Variants in CERS1 observed in about 807,000 individuals in gnomAD.
The protein encoded by CERS1 is ceramide synthase 1.
CERS1 carries 16 observed loss-of-function variants against 35.7 expected under a neutral mutation model. The ratio of observed to expected loss-of-function variants is 0.45; its 90% CI spans 0.30 to 0.68. The LOEUF is 0.68. Ranked by LOEUF, CERS1 falls within the 30% of genes least tolerant of loss-of-function variation. The pLI, the probability that CERS1 is intolerant of heterozygous loss-of-function variation, is 0.08. For synonymous variants in CERS1, 243 were observed against 201.6 expected (o/e 1.21, Z -1.74); for missense variants, 454 against 453.9 (o/e 1.00, Z 0.00).
intron 2 of CERS1, among the ~76,000 whole-genome samples, chr19:18,887,845 C>T (rs940994018): frequency 2.0e-5 from 3 of 152,092 alleles, no homozygotes. Context: ...CACCAGCAGC[C>T]ATCTCCAGAA....
At chr19:18,884,822 T>TG (rs2056311456) in intron 2 of CERS1, among the ~76,000 whole-genome samples, 1 of 148,340 alleles carries the variant, frequency 6.7e-6, no homozygotes, top group Non-Finnish European at 1.5e-5. Context: ...CAAGCAATTC[T>TG]CCTGCCTCAG....
intron 4 of CERS1, 92 bp from the exon 5 acceptor site, chr19:18,879,480 C>A: frequency 6.9e-7 from 1 of 1,442,046 alleles, no homozygotes; most frequent in Non-Finnish European, 9.3e-7. Flanking sequence ...ACCCTTGCCC[C>A]CTTATCCCAT....
chr19:18,894,789 C>T (rs771039732), intron 1 of CERS1, among the ~76,000 whole-genome samples: 29 of 152,252 alleles, frequency 1.9e-4, no homozygotes, highest in Middle Eastern at 3.4e-3. Context: ...AGTCAGACAA[C>T]ATCCCATCAT....
chr19:18,878,484 GC>G lies in CERS1; in HGVS notation c.1010+445del. ...CAAACTCAGAGGCCAGGATGTCTCG[GC>G]CCAGATGGAGCCTGGGTTCTCTCTG... On this transcript the variant is annotated intron_variant, in intron 6 of 7. Coordinates refer to ENST00000623882, the MANE Select transcript of CERS1 (RefSeq NM_021267.5). This position sits in a 1 kb window ranked among gnomAD's most constrained non-coding sequence, Gnocchi z 4.6. 1.0e-6 allele frequency: 1 copy of G among 996,264 alleles called. No individual in the cohort carries two copies. Among genetic ancestry groups the G allele is most frequent in the Non-Finnish European group, 1.2e-6 (1 of 835,986 alleles). The allele number at this position is 996,264 out of a possible 1,614,324, so 61.7% of individuals were successfully genotyped here.
Position 18,895,356 on chromosome 19 carries a change from C to CGCAG in CERS1, c.249+464_249+467dup, listed in dbSNP as rs1555707409. Among the ~76,000 whole-genome samples the CGCAG allele has an allele frequency of 6.6e-6, 1 of 152,208 alleles. No individual in the cohort carries two copies. Among genetic ancestry groups the CGCAG allele is most frequent in the Non-Finnish European group, 1.5e-5 (1 of 68,038 alleles). Reference sequence around the variant, plus strand: ...GCCCGCATGGCAGGGAGGCGCATGGCGCAGGCCGCGGTGCGCCGAGCCCTC... The same window carrying CGCAG: ...GCCCGCATGGCAGGGAGGCGCATGGCGCAGGCAGGCCGCGGTGCGCCGAGCCCTC... On this transcript the variant is annotated intron_variant, in intron 1 of 7. Transcript: ENST00000623882. This position sits in a 1 kb window ranked among gnomAD's most constrained non-coding sequence, Gnocchi z 6.4.
In CERS1 at chr19:18,895,959, C is replaced by G. The variant is rs1271581824; in HGVS notation, c.114G>C (p.Thr38=). ...GSALAAARGC[T]DCGWGLARRG... ...GACGCGCCAGCCCCCAGCCGCAGTC[C>G]GTGCAGCCCCGCGCCGCCGCCAGCG... Residue 38 remains threonine (T), a synonymous_variant, in exon 1 of 8, where the codon ACG becomes ACC. Coordinates refer to ENST00000623882, the MANE Select transcript of CERS1 (RefSeq NM_021267.5). This position sits in a 1 kb window ranked among gnomAD's most constrained non-coding sequence, Gnocchi z 6.4. 9.2e-7 allele frequency: 1 copy of G among 1,091,296 alleles called. No individual in the cohort carries two copies. Among genetic ancestry groups the G allele is most frequent in the South Asian group, 3.2e-5 (1 of 31,140 alleles). 67.6% of individuals were successfully genotyped at this position (1,091,296 alleles called of 1,614,324 possible). A position where few individuals can be genotyped will look rare whatever the true frequency, so the allele number is the denominator to read the frequency against.
intron 3 of CERS1, among the ~76,000 whole-genome samples, chr19:18,883,793 C>T (rs905866750): frequency 3.3e-5 from 5 of 151,836 alleles, no homozygotes; most frequent in East Asian, 1.9e-4. Flanking sequence ...TCAAGGGCAG[C>T]GTCTGAAGAG....
At chr19:18,879,720 C>T (rs1280946649) in intron 4 of CERS1, among the ~76,000 whole-genome samples, 1 of 149,058 alleles carries the variant, frequency 6.7e-6, no homozygotes, top group Non-Finnish European at 1.5e-5. Context: ...CTGCCCAGTC[C>T]CTCCCCTTTC....
chr19:18,885,698 T>C (rs1277141392), intron 2 of CERS1, among the ~76,000 whole-genome samples: 1 of 151,426 alleles, frequency 6.6e-6, no homozygotes, highest in East Asian at 1.9e-4. Context: ...TTTTTTTTTT[T>C]TCAGTAGAGA....
At position 18,878,516 on chromosome 19, in the gene CERS1, C is replaced by T; in HGVS notation, c.1010+414G>A. The T allele has an allele frequency of 9.8e-7, 1 of 1,018,092 alleles. No individual in the cohort carries two copies. Among genetic ancestry groups the T allele is most frequent in the Non-Finnish European group, 1.2e-6 (1 of 848,506 alleles). 63.1% of individuals were successfully genotyped at this position (1,018,092 alleles called of 1,614,324 possible). On this transcript the variant is annotated intron_variant, in intron 6 of 7. Coordinates refer to ENST00000623882, the MANE Select transcript of CERS1 (RefSeq NM_021267.5). The surrounding 1 kb of genome is among the most constrained non-coding windows in gnomAD (Gnocchi z 4.6). ...TGGAGCCTGGGTTCTCTCTGTGGCC[C>T]TTGGCGTTCCTTCCTCCCCAGCCCC...
chr19:18,890,697 C>T (rs2056467617), intron 2 of CERS1, among the ~76,000 whole-genome samples: 1 of 149,516 alleles, frequency 6.7e-6, no homozygotes, highest in African/African-American at 2.5e-5. Flanking sequence ...GGGATGATTG[C>T]TTGAGCCCAG....
chr19:18,884,136 G>A lies in CERS1; in HGVS notation c.541C>T (p.Leu181Phe). Residue 181 changes from leucine to phenylalanine, a missense_variant, in exon 3 of 8, where the codon CTC (leucine) becomes TTC (phenylalanine). Coordinates refer to ENST00000623882, the MANE Select transcript of CERS1 (RefSeq NM_021267.5). ...TWRKDSVVMLLHHVVTLILIV... is the reference protein window; with the variant it reads ...TWRKDSVVMLFHHVVTLILIV... ...AGGATGAGAGTGACCACGTGGTGGAGCAGCATGACCACCGAGTCCTTGCGC... is the reference window on the plus strand; with the variant it reads ...AGGATGAGAGTGACCACGTGGTGGAACAGCATGACCACCGAGTCCTTGCGC... The A allele has an allele frequency of 6.2e-7, 1 of 1,613,678 alleles. No homozygotes were observed.
At chr19:18,885,511 G>GTTTTTTTTTTTTTT (rs59793456) in intron 2 of CERS1, among the ~76,000 whole-genome samples, 1 of 22,122 alleles carries the variant, frequency 4.5e-5, no homozygotes, top group African/African-American at 1.1e-4. Context: ...GCCCCTTCTC[G>GTTTTTTTTTTTTTT]TTTTTTTTTT....
chr19:18,880,435 C>A lies in CERS1; in HGVS notation c.591G>T (p.Arg197=). The A allele has an allele frequency of 6.3e-7, 1 of 1,579,634 alleles. No homozygotes were observed. The highest frequency in any genetic ancestry group is 8.6e-7 in the Non-Finnish European group (1 of 1,160,230). ...LILIVSSYAF[R]YHNVGILVLF... ...GCACAAGGATGCCCACATTGTGGTA[C>A]CTGGGGGAGCAGCAGGCAGAGAGGA... The change falls in exon 4 of 8, where the codon CGG becomes CGT. Residue 197 remains arginine (R), a splice_region_variant and synonymous_variant. Coordinates refer to ENST00000623882, the MANE Select transcript of CERS1 (RefSeq NM_021267.5).
At chr19:18,894,256 TGGGTG>T (rs1308721589) in intron 1 of CERS1, among the ~76,000 whole-genome samples, 2 of 8,508 alleles carry the variant, frequency 2.4e-4, no homozygotes, top group Non-Finnish European at 4.4e-4. Flanking sequence ...GGTGGGTGGG[TGGGTG>T]GCGGGGCGCG....
intron 6 of CERS1, among the ~76,000 whole-genome samples, chr19:18,873,016 C>T (rs1395672351): frequency 6.6e-6 from 1 of 152,154 alleles, no homozygotes; most frequent in East Asian, 1.9e-4. Context: ...AGAGCCAGAG[C>T]GAGTGTGCAG....
In CERS1 at chr19:18,878,363, G is replaced by C. The variant is rs960356267; in HGVS notation, c.1010+567C>G. ...CTGTCACCCAGGGCTGGTGAGGCTC[G>C]TGGGCTATCTCCTTCCCCAGGACTC... On this transcript the variant is annotated intron_variant, in intron 6 of 7. Coordinates refer to ENST00000623882, the MANE Select transcript of CERS1 (RefSeq NM_021267.5). This position sits in a 1 kb window ranked among gnomAD's most constrained non-coding sequence, Gnocchi z 4.6. 4.1e-6 allele frequency: 4 copies of C among 986,200 alleles called. No individual in the cohort carries two copies. The South Asian group carries it at 1.9e-4, about 46-fold the overall frequency. 61.1% of individuals were successfully genotyped at this position (986,200 alleles called of 1,614,324 possible). A position where few individuals can be genotyped will look rare whatever the true frequency, so the allele number is the denominator to read the frequency against.
At position 18,896,076 on chromosome 19, in the gene CERS1, G is replaced by T. The variant is rs1293846934; in HGVS notation, c.-4C>A. On this transcript the variant is annotated 5_prime_UTR_variant, in exon 1 of 8. Transcript: ENST00000623882. This position sits in a 1 kb window ranked among gnomAD's most constrained non-coding sequence, Gnocchi z 5.9. Reference sequence around the variant, plus strand: ...CCGCGGGCCCCGCCGCCGCCATACCGCCCGCTCGCCCGCCGTGCCCGTCGC... The same window carrying T: ...CCGCGGGCCCCGCCGCCGCCATACCTCCCGCTCGCCCGCCGTGCCCGTCGC... The T allele has an allele frequency of 7.3e-6, 7 of 955,124 alleles. No individual in the cohort carries two copies. Among genetic ancestry groups the T allele is most frequent in the Non-Finnish European group, 6.2e-6 (5 of 804,790 alleles). 59.2% of individuals were successfully genotyped at this position (955,124 alleles called of 1,614,324 possible). A position where few individuals can be genotyped will look rare whatever the true frequency, so the allele number is the denominator to read the frequency against.
Position 18,870,434 on chromosome 19 carries a change from A to T in CERS1, c.*143T>A. On this transcript the variant is annotated 3_prime_UTR_variant, in exon 7 of 8. Coordinates refer to ENST00000623882, the MANE Select transcript of CERS1 (RefSeq NM_021267.5). The surrounding 1 kb of genome is among the most constrained non-coding windows in gnomAD (Gnocchi z 5.1). ...GGGGGCGTGGCCGGGAACTGGAGGC[A>T]GGATGAGGGGGCGGGGTCCCAGGGG... is the stretch of plus-strand genomic sequence containing the variant. The T allele has an allele frequency of 6.4e-6, 5 of 784,572 alleles. No individual in the cohort carries two copies. Among genetic ancestry groups the T allele is most frequent in the Non-Finnish European group, 5.8e-6 (3 of 520,442 alleles). The allele number at this position is 784,572 out of a possible 1,614,324, so 48.6% of individuals were successfully genotyped here.
Sources: allele counts gnomAD v4.1 joint callset (sites outside exome capture counted in the v4.1 genomes callset), GRCh38; gene constraint gnomAD v4.1.1; non-coding constraint Gnocchi (gnomAD v3.1); transcripts MANE v1.5; gene names NCBI Gene and HGNC (gene_info 2026-07-23, HGNC 2026-07-21).